Variants in GPA33 observed in about 807,000 individuals in gnomAD.
GPA33 encodes the protein cell surface A33 antigen.
GPA33 carries 27 observed loss-of-function variants against 35.6 expected under a neutral mutation model. That is an observed-to-expected ratio of 0.76 (90% CI 0.56 to 1.04). The LOEUF is 1.04. GPA33 is among the 50% of genes least tolerant of loss of function. The pLI is 0.00. For synonymous variants in GPA33, 176 were observed against 164.0 expected, an observed-to-expected ratio of 1.07 and a Z score of -0.56; for missense variants, 428 against 411.9, an observed-to-expected ratio of 1.04 and a Z score of -0.34.
chr1:167,073,339 G>A, intron 2 of GPA33, 46 bp downstream of exon 2: 1 of 1,537,282 alleles, frequency 6.5e-7, no homozygotes, highest in East Asian at 2.2e-5. Flanking sequence ...GTCCTGGTCA[G>A]GTGATAATCA....
intron 1 of GPA33, among the ~76,000 whole-genome samples, chr1:167,083,167 T>C (rs1666985127): frequency 6.6e-6 from 1 of 152,200 alleles, no homozygotes; most frequent in Admixed American, 6.5e-5. Context: ...AGGTGATGTC[T>C]GAGAGGCAGG....
chr1:167,063,814 C>G, intron 3 of GPA33, 77 bp from the exon 4 acceptor site: 2 of 1,072,848 alleles, frequency 1.9e-6, no homozygotes, highest in Non-Finnish European at 2.8e-6. Flanking sequence ...TCCCCACCCA[C>G]CCCCCACACA....
At chr1:167,070,788 G>A (rs1358201104) in intron 2 of GPA33, among the ~76,000 whole-genome samples, 2 of 152,140 alleles carry the variant, frequency 1.3e-5, no homozygotes, top group Non-Finnish European at 2.9e-5. Flanking sequence ...AATTTGAGGA[G>A]TATGAAAGTG....
chr1:167,080,553 G>A (rs867453200), intron 1 of GPA33, among the ~76,000 whole-genome samples: 5 of 152,258 alleles, frequency 3.3e-5, no homozygotes, highest in African/African-American at 9.6e-5. Context: ...CAAACTATCC[G>A]GGTTGGCATC....
chr1:167,070,291 G>A (rs1057308629), intron 2 of GPA33, among the ~76,000 whole-genome samples: 1 of 152,162 alleles, frequency 6.6e-6, no homozygotes, highest in Non-Finnish European at 1.5e-5. Flanking sequence ...GTGAGCTTGG[G>A]CAGGTAGCAA....
At chr1:167,076,657 GGTGAGTTTATAATATCCGGGA>G (rs1361991906) in intron 1 of GPA33, among the ~76,000 whole-genome samples, 6 of 152,160 alleles carry the variant, frequency 3.9e-5, no homozygotes, top group African/African-American at 7.2e-5. Context: ...GAGCTCCTGG[GGTGAGTTTATAATATCCGGGA>G]GTATTGGATA....
chr1:167,060,938 G>A (rs756322044), intron 4 of GPA33, among the ~76,000 whole-genome samples: 2 of 152,170 alleles, frequency 1.3e-5, no homozygotes, highest in African/African-American at 2.4e-5. Context: ...CCTCATCCTT[G>A]AGGACCCAAC....
chr1:167,082,380 G>A, intron 1 of GPA33: 1 of 448,036 alleles, frequency 2.2e-6, no homozygotes, highest in Non-Finnish European at 4.5e-6. Flanking sequence ...GAGACAGTGA[G>A]GGCAGCCTAT....
At chr1:167,084,941 CATTT>C (rs1667020452) in intron 1 of GPA33, among the ~76,000 whole-genome samples, 1 of 152,134 alleles carries the variant, frequency 6.6e-6, no homozygotes, top group African/African-American at 2.4e-5. Flanking sequence ...GACAGTTTGT[CATTT>C]ATTGAGAGAG....
rs1424735692 is a variant in GPA33 at position 167,054,087 on chromosome 1, C to A, written c.*247G>T. ...GCTGCAGCCTGGTCTTGAGTGAGGG[C>A]CAGGCCCGCACCAGGTGTCACAGCC... On this transcript the variant is annotated 3_prime_UTR_variant, in exon 7 of 7. Coordinates refer to ENST00000367868, the MANE Select transcript of GPA33 (RefSeq NM_005814.3). 1.9e-6 allele frequency: 1 copy of A among 529,246 alleles called. No individual in the cohort carries two copies. The highest frequency in any genetic ancestry group is 3.3e-5 in the Admixed American group (1 of 30,694). The allele number at this position is 529,246 out of a possible 1,614,324, so 32.8% of individuals were successfully genotyped here. A position where few individuals can be genotyped will look rare whatever the true frequency, so the allele number is the denominator to read the frequency against.
intron 3 of GPA33, among the ~76,000 whole-genome samples, chr1:167,067,421 G>A (rs911802917): frequency 1.3e-5 from 2 of 152,098 alleles, no homozygotes; most frequent in South Asian, 2.1e-4. Flanking sequence ...TTTTAAAAAA[G>A]TAAAACATTG....
At chr1:167,076,693 G>A (rs1450197269) in intron 1 of GPA33, among the ~76,000 whole-genome samples, 1 of 152,162 alleles carries the variant, frequency 6.6e-6, no homozygotes, top group African/African-American at 2.4e-5. Flanking sequence ...TGGATATTGG[G>A]AATGAGAGAC....
intron 4 of GPA33, among the ~76,000 whole-genome samples, chr1:167,059,928 T>C (rs1666397649): frequency 6.6e-6 from 1 of 152,212 alleles, no homozygotes; most frequent in Admixed American, 6.5e-5. Flanking sequence ...GAATCTCTAA[T>C]GTTGGAAATT....
intron 2 of GPA33, among the ~76,000 whole-genome samples, chr1:167,070,330 G>T (rs1571312714): frequency 6.6e-6 from 1 of 152,158 alleles, no homozygotes; most frequent in East Asian, 1.9e-4. Flanking sequence ...TTTATTGAGT[G>T]TATGCTATGT....
chr1:167,084,128 C>T (rs1408271731), intron 1 of GPA33, among the ~76,000 whole-genome samples: 1 of 152,116 alleles, frequency 6.6e-6, no homozygotes. Flanking sequence ...TCCTAATAGT[C>T]ATGGGAAGTT....
Position 167,068,968 on chromosome 1 carries a change from T to A in GPA33, c.369A>T (p.Ser123=). 6.2e-7 allele frequency: 1 copy of A among 1,613,786 alleles called. No individual in the cohort carries two copies. Among genetic ancestry groups the A allele is most frequent in the Non-Finnish European group, 8.5e-7 (1 of 1,180,022 alleles). Residue 123 remains serine (S), a synonymous_variant, in exon 3 of 7, where the codon TCA becomes TCT. Transcript: ENST00000367868. ...GTYECSVSLM[S]DLEGNTKSRV... is the part of the protein sequence containing the mutation. ...GTGACTTGGTGTTGCCCTCCAGGTC[T>A]GACATCAGCGAGACAGAACACTCGT...
intron 4 of GPA33, among the ~76,000 whole-genome samples, chr1:167,061,460 A>G (rs557655174): frequency 1.3e-5 from 2 of 152,260 alleles, no homozygotes; most frequent in African/African-American, 4.8e-5. Context: ...GGTGGTTTCA[A>G]CAAAAATTCC....
At chr1:167,065,593 T>C (rs928328353) in intron 3 of GPA33, among the ~76,000 whole-genome samples, 4 of 151,858 alleles carry the variant, frequency 2.6e-5, no homozygotes, top group African/African-American at 9.7e-5. Context: ...GCATCAGGAG[T>C]GCATTCTGAT....
chr1:167,054,737 T>C (rs906739623), intron 6 of GPA33, among the ~76,000 whole-genome samples: 1 of 152,146 alleles, frequency 6.6e-6, no homozygotes, highest in Non-Finnish European at 1.5e-5. Context: ...CACTTGGCTC[T>C]AGTCATGCCA....
Sources: allele counts gnomAD v4.1 joint callset (sites outside exome capture counted in the v4.1 genomes callset), GRCh38; gene constraint gnomAD v4.1.1; transcripts MANE v1.5; gene names NCBI Gene and HGNC (gene_info 2026-07-23, HGNC 2026-07-21).